The following TG variants were observed in gnomAD, a reference collection of about 807,000 sequenced individuals.
TG encodes thyroid hormones.
A neutral mutation model predicts 324.7 loss-of-function variants in TG; 270 were observed. The observed-to-expected ratio is 0.83, with a 90% CI of 0.75 to 0.92. The LOEUF is 0.92. Among genes scored for constraint, TG ranks in the 40% least tolerant of loss-of-function variants. The pLI, the probability that TG is intolerant of heterozygous loss-of-function variation, is 0.00. For synonymous variants in TG, 1,401 were observed against 1,327.0 expected (o/e 1.06, Z -1.21); for missense variants, 3,591 against 3,456.4 (o/e 1.04, Z -0.98).
chr8:133,008,029 C>G (rs1349489329), intron 35 of TG, among the ~76,000 whole-genome samples: 2 of 152,158 alleles, frequency 1.3e-5, no homozygotes, highest in East Asian at 3.9e-4. Context: ...AATAGCTTTT[C>G]TCTATGTCAA....
intron 11 of TG, among the ~76,000 whole-genome samples, chr8:132,896,108 CTGGCAAGCACT>C (rs1461755951): frequency 6.6e-6 from 1 of 152,262 alleles, no homozygotes; most frequent in Non-Finnish European, 1.5e-5. Flanking sequence ...ACCGCTGTGT[CTGGCAAGCACT>C]TGGTGTTTAA....
At chr8:132,976,102 A>G (rs1830138598) in intron 34 of TG, among the ~76,000 whole-genome samples, 1 of 152,200 alleles carries the variant, frequency 6.6e-6, no homozygotes, top group African/African-American at 2.4e-5. Context: ...AAATACTAGA[A>G]CACTTATCAG....
chr8:133,110,971 A>G (rs1334973306), intron 43 of TG, among the ~76,000 whole-genome samples: 9 of 152,240 alleles, frequency 5.9e-5, no homozygotes, highest in Non-Finnish European at 1.5e-5. Context: ...CAGGGCCCAT[A>G]TGAATACACA....
At chr8:133,098,791 C>A (rs1848820879) in intron 43 of TG, among the ~76,000 whole-genome samples, 1 of 152,098 alleles carries the variant, frequency 6.6e-6, no homozygotes, top group Non-Finnish European at 1.5e-5. Flanking sequence ...GATCTGGGAC[C>A]ATGGTGTTCA....
chr8:133,051,323 C>T lies in TG; in HGVS notation c.7239+21300C>T, dbSNP rs149970883. On this transcript the variant is annotated intron_variant, in intron 41 of 47. Transcript: ENST00000220616. ...AGATGAGAGTATGTTACACCACATA[C>T]GTTCACATAAGTTGCTGTAAAAACC... 2.2e-3 allele frequency among the ~76,000 whole-genome samples: 341 copies of T among 152,276 alleles called. 2 individuals carry two copies. Among genetic ancestry groups the T allele is most frequent in the African/African-American group, 7.8e-3 (326 of 41,550 alleles).
chr8:133,019,438 C>G (rs1364928099), intron 38 of TG, among the ~76,000 whole-genome samples, 164 bp from the exon 39 acceptor site: 1 of 152,242 alleles, frequency 6.6e-6, no homozygotes, highest in Non-Finnish European at 1.5e-5. Context: ...CCTCCATTCA[C>G]TGAAGCTGAA....
At chr8:133,068,375 T>C (rs1397105923) in intron 41 of TG, among the ~76,000 whole-genome samples, 2 of 152,210 alleles carry the variant, frequency 1.3e-5, no homozygotes, top group African/African-American at 2.4e-5. Context: ...GGCTGGGCTT[T>C]ATGCTAAGAC....
intron 5 of TG, among the ~76,000 whole-genome samples, chr8:132,880,068 C>T (rs1003212675): frequency 6.6e-6 from 1 of 152,130 alleles, no homozygotes; most frequent in Non-Finnish European, 1.5e-5. Context: ...AGGTGCTGGG[C>T]ATATGGAGCA....
rs1293785210 is a variant in TG, at chr8:132,906,631, C to T, written c.3635-57C>T. 3 of 1,597,726 alleles carry T rather than the reference C, an allele frequency of 1.9e-6. No homozygotes were observed. In the African/African-American group the frequency reaches 4.0e-5, roughly 21 times the overall value. ...AAGGAGACACCCACAAGCAGGCATG[C>T]TCAGTCGTCCCGAGGCTGGGCAGGT... On this transcript the variant is annotated intron_variant, in intron 16 of 47. Transcript: ENST00000220616.
chr8:133,078,413 C>G (rs1011111308), intron 41 of TG, among the ~76,000 whole-genome samples: 5 of 152,192 alleles, frequency 3.3e-5, no homozygotes, highest in African/African-American at 1.2e-4. Context: ...AGTTCGCTTC[C>G]ATGTCTTCCC....
intron 37 of TG, among the ~76,000 whole-genome samples, chr8:133,016,303 G>C (rs995738580): frequency 1.3e-5 from 2 of 152,174 alleles, no homozygotes; most frequent in Admixed American, 6.5e-5. Flanking sequence ...TTGTATATGT[G>C]TGGGAGCAGT....
intron 27 of TG, among the ~76,000 whole-genome samples, chr8:132,956,511 A>T (rs1826893775): frequency 1.3e-5 from 2 of 152,204 alleles, no homozygotes; most frequent in African/African-American, 4.8e-5. Context: ...GCAGAACCTG[A>T]TTCTGAAAGA....
chr8:132,955,733 C>A (rs1338033355), intron 27 of TG, among the ~76,000 whole-genome samples: 1 of 152,188 alleles, frequency 6.6e-6, no homozygotes, highest in African/African-American at 2.4e-5. Context: ...CTTTTCCATG[C>A]CATGTGACCA....
intron 45 of TG, among the ~76,000 whole-genome samples, chr8:133,125,943 A>G (rs1851484197): frequency 6.6e-6 from 1 of 152,254 alleles, no homozygotes; most frequent in Non-Finnish European, 1.5e-5. Flanking sequence ...TGGTCTTTTC[A>G]TTCATATCCA....
At chr8:132,963,555 A>G (rs958339735) in intron 29 of TG, among the ~76,000 whole-genome samples, 1 of 152,196 alleles carries the variant, frequency 6.6e-6, no homozygotes, top group Non-Finnish European at 1.5e-5. Flanking sequence ...CTCTACCTCC[A>G]GAGTCTGTGA....
intron 41 of TG, chr8:133,050,564 G>A: frequency 2.4e-6 from 1 of 422,262 alleles, no homozygotes; most frequent in Non-Finnish European, 4.3e-6. Flanking sequence ...GAAGAGGCTG[G>A]ATCATAAAGG....
intron 41 of TG, among the ~76,000 whole-genome samples, chr8:133,080,752 C>T (rs1165167428): frequency 2.0e-5 from 3 of 152,258 alleles, no homozygotes; most frequent in African/African-American, 7.2e-5. Context: ...GCACTGTAGA[C>T]AAGCCCCTCA....
At chr8:133,077,185 T>A (rs138649158) in intron 41 of TG, among the ~76,000 whole-genome samples, 93 of 152,182 alleles carry the variant, frequency 6.1e-4, no homozygotes, top group African/African-American at 2.1e-3. Context: ...GGACTGCTGG[T>A]TTCACACAAG....
At chr8:133,131,783 T>C in intron 45 of TG, 29 bp from the exon 46 acceptor site, 2 of 1,613,902 alleles carry the variant, frequency 1.2e-6, no homozygotes, top group Non-Finnish European at 1.7e-6. Context: ...TCTTGACCTT[T>C]TGCTGCTGCT....
Sources: gnomAD v4.1 joint callset for allele counts (sites outside exome capture counted in the v4.1 genomes callset) on GRCh38, gnomAD v4.1.1 for gene constraint, MANE v1.5 for transcripts, NCBI Gene and HGNC (gene_info 2026-07-23, HGNC 2026-07-21) for gene names.